The following ALLC variants were observed in gnomAD, a reference collection of about 807,000 sequenced individuals.
ALLC encodes probable inactive allantoicase.
In ALLC, 40 loss-of-function variants were observed where a neutral mutation model predicts 45.0. The observed-to-expected ratio is 0.89, with a 90% CI of 0.69 to 1.16. The LOEUF (loss-of-function observed/expected upper bound fraction) is 1.16, where lower values mean the gene tolerates loss of function less well. Among genes scored for constraint, ALLC ranks in the 50% most tolerant of loss-of-function variants. The pLI, the probability that ALLC is intolerant of heterozygous loss-of-function variation, is 0.00. For missense variants in ALLC, 488 were observed against 493.1 expected (o/e 0.99, Z 0.10); for synonymous variants, 176 against 178.1 (o/e 0.99, Z 0.09).
In ALLC at chr2:3,695,542, T is replaced by C. The variant is rs559061397; in HGVS notation, c.512-175T>C. On this transcript the variant is annotated intron_variant, in intron 7 of 11. Transcript: ENST00000252505. Reference sequence around the variant, plus strand: ...CTGGGAAAGTTGTTCTGGTACAGGGTAATATCAAGTGCAAAGGCCCTGGGG... The same window carrying C: ...CTGGGAAAGTTGTTCTGGTACAGGGCAATATCAAGTGCAAAGGCCCTGGGG... 7.8e-6 allele frequency: 5 copies of C among 639,694 alleles called. No individual in the cohort carries two copies. The Admixed American group carries it at 1.4e-4, about 18-fold the overall frequency. The allele number at this position is 639,694 out of a possible 1,614,324, so 39.6% of individuals were successfully genotyped here.
At chr2:3,674,153 A>G (rs1388907569) in intron 3 of ALLC, 28 bp downstream of exon 3, 2 of 1,505,716 alleles carry the variant, frequency 1.3e-6, no homozygotes, top group Non-Finnish European at 9.0e-7. Flanking sequence ...TCTGCAATGT[A>G]AAGGGTTGAT....
At chr2:3,693,040 C>T (rs1452601518) in intron 7 of ALLC, among the ~76,000 whole-genome samples, 2 of 152,202 alleles carry the variant, frequency 1.3e-5, no homozygotes, top group African/African-American at 4.8e-5. Context: ...TTGCAGTCTC[C>T]ACTTTGCTGA....
chr2:3,686,648 T>G (rs1667340656), intron 7 of ALLC, among the ~76,000 whole-genome samples: 2 of 150,984 alleles, frequency 1.3e-5, no homozygotes, highest in South Asian at 4.2e-4. Flanking sequence ...CTTGTATAGC[T>G]CTTTCACTTC....
At chr2:3,694,714 T>C (rs558367783) in intron 7 of ALLC, 25 of 152,366 alleles carry the variant, frequency 1.6e-4, no homozygotes, top group African/African-American at 6.0e-4. Context: ...GTTTTATTTG[T>C]TGTAAATAGC....
chr2:3,652,717 G>A, the ALLC span, among the ~76,000 whole-genome samples: 1 of 151,554 alleles, frequency 6.6e-6, no homozygotes. Context: ...CAAGTAGCTG[G>A]GACTATAGGC....
At chr2:3,646,834 A>G in the ALLC span, among the ~76,000 whole-genome samples, 1 of 152,122 alleles carries the variant, frequency 6.6e-6, no homozygotes. Context: ...TGTCAGACCC[A>G]TGGTTTTCTG....
chr2:3,697,495 T>C (rs764894149), intron 10 of ALLC, 39 bp downstream of exon 10: 2 of 1,536,574 alleles, frequency 1.3e-6, no homozygotes, highest in South Asian at 2.2e-5. Flanking sequence ...TATAATTGGT[T>C]TGTTTATTCT....
chr2:3,665,940 G>C (rs1666693426), intron 1 of ALLC, among the ~76,000 whole-genome samples: 1 of 152,140 alleles, frequency 6.6e-6, no homozygotes, highest in African/African-American at 2.4e-5. Context: ...CTTGAGAAAG[G>C]GTATAAATGC....
the ALLC span, among the ~76,000 whole-genome samples, chr2:3,650,755 A>G: frequency 6.6e-6 from 1 of 152,142 alleles, no homozygotes; most frequent in African/African-American, 2.4e-5. Context: ...ACTGTCACGC[A>G]GTCCCCACCC....
intron 9 of ALLC, 117 bp downstream of exon 9, chr2:3,696,465 C>A: frequency 1.3e-6 from 1 of 742,812 alleles, no homozygotes; most frequent in Non-Finnish European, 2.1e-6. Context: ...GTTCTAAATG[C>A]TAATTACTAT....
intron 1 of ALLC, among the ~76,000 whole-genome samples, chr2:3,662,517 A>G (rs555254153): frequency 1.3e-5 from 2 of 152,374 alleles, no homozygotes; most frequent in Admixed American, 1.3e-4. Flanking sequence ...GGCTGATGAG[A>G]TATACGGACT....
chr2:3,653,367 A>C (rs1666379115), upstream of ALLC, among the ~76,000 whole-genome samples: 1 of 152,238 alleles, frequency 6.6e-6, no homozygotes, highest in Non-Finnish European at 1.5e-5. This position sits in a 1 kb window ranked among gnomAD's most constrained non-coding sequence, Gnocchi z 4.1. Flanking sequence ...GGCCAGAATC[A>C]GGACAGACAT....
intron 2 of ALLC, among the ~76,000 whole-genome samples, chr2:3,672,123 T>G (rs190729195): frequency 0.025 from 1,974 of 78,212 alleles, 176 homozygotes; most frequent in Non-Finnish European, 0.032. Flanking sequence ...CTAGTTAGAT[T>G]GGAGGTCCTC....
intron 10 of ALLC, among the ~76,000 whole-genome samples, chr2:3,697,946 T>C (rs113870803): frequency 0.028 from 4,298 of 151,684 alleles, 77 homozygotes; most frequent in Middle Eastern, 0.045. Context: ...ATTACAGGCC[T>C]GAGCCACTGC....
chr2:3,672,539 A>AGGTCCTCTGGCTCTAGTTAGATC lies in ALLC; in HGVS notation c.33+1351_33+1352insTCCTCTGGCTCTAGTTAGATCGG, dbSNP rs1558537590. Among the ~76,000 whole-genome samples the AGGTCCTCTGGCTCTAGTTAGATC allele has an allele frequency of 6.2e-4, 54 of 87,234 alleles. 5 individuals are homozygous for AGGTCCTCTGGCTCTAGTTAGATC. Among genetic ancestry groups the AGGTCCTCTGGCTCTAGTTAGATC allele is most frequent in the African/African-American group, 2.5e-3 (50 of 20,268 alleles). 57.2% of individuals were successfully genotyped at this position (87,234 alleles called of 152,430 possible). A position where few individuals can be genotyped will look rare whatever the true frequency, so the allele number is the denominator to read the frequency against. ...GGAGGTCCTCTGGGTCTGGTTAGAT[A>AGGTCCTCTGGCTCTAGTTAGATC]GGAGGTCCTCTGGTTCTGGTTAGAT... is the stretch of plus-strand genomic sequence containing the variant. On this transcript the variant is annotated intron_variant, in intron 2 of 11. Coordinates refer to ENST00000252505, the MANE Select transcript of ALLC (RefSeq NM_018436.4).
chr2:3,692,331 C>T (rs947679646), intron 7 of ALLC, among the ~76,000 whole-genome samples: 1 of 152,174 alleles, frequency 6.6e-6, no homozygotes, highest in African/African-American at 2.4e-5. Context: ...TTGGGCCACA[C>T]ATAAAATGCC....
In ALLC at chr2:3,678,459, T is replaced by G; in HGVS notation, c.85-9T>G. On this transcript the variant is annotated splice_polypyrimidine_tract_variant and intron_variant, in intron 3 of 11. Coordinates refer to ENST00000252505, the MANE Select transcript of ALLC (RefSeq NM_018436.4). ...GTTAATGATCACCTTGTTGTGGTCTTTGCCCTAGAGTGACAGCCCGTGCTT... is the reference window on the plus strand; with the variant it reads ...GTTAATGATCACCTTGTTGTGGTCTGTGCCCTAGAGTGACAGCCCGTGCTT... The G allele has an allele frequency of 6.2e-7, 1 of 1,612,064 alleles. No individual in the cohort carries two copies. Among genetic ancestry groups the G allele is most frequent in the Non-Finnish European group, 8.5e-7 (1 of 1,178,180 alleles).
chr2:3,696,164 CT>C (rs1248018806), intron 8 of ALLC, 110 bp from the exon 9 acceptor site: 30 of 874,236 alleles, frequency 3.4e-5, no homozygotes, highest in Non-Finnish European at 4.7e-5. Context: ...ATGAAAATAA[CT>C]TATGTAGCAA....
intron 2 of ALLC, 70 bp downstream of exon 2, chr2:3,671,260 G>C (rs1272770700): frequency 6.5e-7 from 1 of 1,534,852 alleles, no homozygotes; most frequent in African/African-American, 1.4e-5. Flanking sequence ...CACCAGTGCA[G>C]AGAACCTCAT....
Sources: allele counts gnomAD v4.1 joint callset (sites outside exome capture counted in the v4.1 genomes callset), GRCh38; gene constraint gnomAD v4.1.1; non-coding constraint Gnocchi (gnomAD v3.1); transcripts MANE v1.5; gene names NCBI Gene and HGNC (gene_info 2026-07-23, HGNC 2026-07-21).